Variants in COLQ observed in about 807,000 individuals in gnomAD.
The protein encoded by COLQ is collagen like tail subunit of asymmetric acetylcholinesterase.
A neutral mutation model predicts 69.0 loss-of-function variants in COLQ; 48 were observed. That is an observed-to-expected ratio of 0.70 (90% CI 0.55 to 0.88). The LOEUF is 0.88. Ranked by LOEUF, COLQ falls within the 40% of genes least tolerant of loss-of-function variation. The pLI is 0.00. For missense variants in COLQ, 618 were observed against 594.6 expected (o/e 1.04, Z -0.41); for synonymous variants, 217 against 211.2 (o/e 1.03, Z -0.24).
intron 1 of COLQ, among the ~76,000 whole-genome samples, chr3:15,503,501 C>T (rs762179556): frequency 1.3e-5 from 2 of 152,146 alleles, no homozygotes; most frequent in Non-Finnish European, 2.9e-5. Flanking sequence ...GGGACATGGA[C>T]TGTTAGGTGA....
At chr3:15,478,667 C>A in intron 5 of COLQ, 2 of 511,296 alleles carry the variant, frequency 3.9e-6, no homozygotes, top group Non-Finnish European at 7.1e-6. Context: ...TGAAGGGTTT[C>A]TCTGATGGGT....
chr3:15,451,375 C>G lies in COLQ; in HGVS notation c.*269G>C. On this transcript the variant is annotated 3_prime_UTR_variant, in exon 17 of 17. Coordinates refer to ENST00000383788, the MANE Select transcript of COLQ (RefSeq NM_005677.4). ...TCCAGAAGAGGAAGAGCATTGTAGC[C>G]GGTTGTTTGGCCAAATGGTAGCGAT... is the stretch of plus-strand genomic sequence containing the variant. 1 of 616,766 alleles carries G rather than the reference C, an allele frequency of 1.6e-6. No individual in the cohort carries two copies. Among genetic ancestry groups the G allele is most frequent in the Admixed American group, 2.4e-5 (1 of 41,222 alleles). The allele number at this position is 616,766 out of a possible 1,614,324, so 38.2% of individuals were successfully genotyped here.
At chr3:15,491,984 G>T (rs2062674672) in intron 1 of COLQ, among the ~76,000 whole-genome samples, 1 of 151,996 alleles carries the variant, frequency 6.6e-6, no homozygotes, top group Non-Finnish European at 1.5e-5. Flanking sequence ...CTTGAACCTG[G>T]GAGATGGAGG....
intron 13 of COLQ, among the ~76,000 whole-genome samples, chr3:15,457,717 A>G (rs2125088291): frequency 6.6e-6 from 1 of 151,890 alleles, no homozygotes; most frequent in Admixed American, 6.6e-5. Flanking sequence ...GGTTCAAGCG[A>G]TTCTCCCACC....
chr3:15,503,633 C>A (rs1229981360), intron 1 of COLQ, among the ~76,000 whole-genome samples: 3 of 152,190 alleles, frequency 2.0e-5, no homozygotes, highest in African/African-American at 7.2e-5. Context: ...GTTCCCCATT[C>A]AATCCTTTGA....
At chr3:15,502,837 G>A (rs2062850635) in intron 1 of COLQ, among the ~76,000 whole-genome samples, 1 of 152,208 alleles carries the variant, frequency 6.6e-6, no homozygotes, top group South Asian at 2.1e-4. Flanking sequence ...TGCCTGCGCT[G>A]CATACTTGCA....
chr3:15,478,775 A>G, intron 5 of COLQ: 1 of 668,136 alleles, frequency 1.5e-6, no homozygotes, highest in South Asian at 1.8e-5. Context: ...GCCTGGCAGT[A>G]GCAGGCTCCT....
chr3:15,488,478 T>C (rs1157225663), intron 2 of COLQ, among the ~76,000 whole-genome samples, 171 bp from the exon 3 acceptor site: 1 of 152,150 alleles, frequency 6.6e-6, no homozygotes, highest in East Asian at 1.9e-4. Flanking sequence ...TTCTGTTCTC[T>C]CATCTGCTCT....
chr3:15,467,093 T>C (rs962398339), intron 11 of COLQ, among the ~76,000 whole-genome samples: 11 of 152,340 alleles, frequency 7.2e-5, no homozygotes, highest in Middle Eastern at 3.4e-3. Flanking sequence ...TCATAGCATA[T>C]GGATTATTTG....
intron 15 of COLQ, among the ~76,000 whole-genome samples, chr3:15,454,649 C>A (rs898469393): frequency 4.4e-5 from 5 of 113,186 alleles, no homozygotes; most frequent in African/African-American, 2.1e-4. Context: ...TTCCCCTGAA[C>A]TGTTTTTTTT....
chr3:15,474,284 C>A lies in COLQ; in HGVS notation c.556-12G>T, dbSNP rs200902113. 8.7e-6 allele frequency: 14 copies of A among 1,613,748 alleles called. No individual in the cohort carries two copies. Among genetic ancestry groups the A allele is most frequent in the Non-Finnish European group, 1.7e-6 (2 of 1,179,678 alleles). ...TCACCTCTGGATCCCTAGGAAGAAA[C>A]CATAGGAGAAAGTCAATGAGTTAAT... On this transcript the variant is annotated splice_polypyrimidine_tract_variant and intron_variant, in intron 8 of 16. Coordinates refer to ENST00000383788, the MANE Select transcript of COLQ (RefSeq NM_005677.4).
At position 15,475,313 on chromosome 3, in the gene COLQ, C is replaced by T. The variant is rs924811; in HGVS notation, c.528+112G>A. 408,588 of 1,078,970 alleles carry T rather than the reference C, an allele frequency of 0.38. 78,292 individuals carry two copies. The highest frequency in any genetic ancestry group is 0.49 in the East Asian group (18,939 of 38,664). The allele number at this position is 1,078,970 out of a possible 1,614,324, so 66.8% of individuals were successfully genotyped here. A position where few individuals can be genotyped will look rare whatever the true frequency, so the allele number is the denominator to read the frequency against. On this transcript the variant is annotated intron_variant, in intron 7 of 16. Transcript: ENST00000383788. ...GTAAAGGCAGGCTCTCCAATATCCG[C>T]GACATTCCCTAGTCCGGGACTGCAG...
chr3:15,451,490 A>T lies in COLQ; in HGVS notation c.*154T>A. 1.3e-6 allele frequency: 1 copy of T among 785,410 alleles called. No homozygotes were observed. Among genetic ancestry groups the T allele is most frequent in the South Asian group, 1.4e-5 (1 of 69,810 alleles). The allele number at this position is 785,410 out of a possible 1,614,324, so 48.7% of individuals were successfully genotyped here. On this transcript the variant is annotated 3_prime_UTR_variant, in exon 17 of 17. Transcript: ENST00000383788. ...AGTGGTCCTAAATTCTTCCAGTCAG[A>T]CTGAGTTAACAGCATGTCTTAGTAG...
At chr3:15,485,913 G>A (rs955049193) in intron 3 of COLQ, among the ~76,000 whole-genome samples, 7 of 152,118 alleles carry the variant, frequency 4.6e-5, no homozygotes, top group African/African-American at 1.7e-4. Context: ...AGTTAGCTGC[G>A]ATCAAGCCAC....
At chr3:15,487,409 T>C (rs905376288) in intron 3 of COLQ, among the ~76,000 whole-genome samples, 2 of 152,162 alleles carry the variant, frequency 1.3e-5, no homozygotes, top group African/African-American at 4.8e-5. Flanking sequence ...TATGAGGTGA[T>C]GTAGGAGATA....
At chr3:15,519,987 G>A (rs946536407) in intron 1 of COLQ, among the ~76,000 whole-genome samples, 3 of 152,230 alleles carry the variant, frequency 2.0e-5, no homozygotes, top group African/African-American at 7.2e-5. Context: ...GCCACATGGT[G>A]CTTATAGTGT....
intron 3 of COLQ, among the ~76,000 whole-genome samples, chr3:15,485,643 G>A (rs2062561126): frequency 1.3e-5 from 2 of 152,130 alleles, no homozygotes; most frequent in South Asian, 2.1e-4. Context: ...CAAAGCCCAG[G>A]CCCCAACCCA....
chr3:15,459,888 T>C (rs1427078972), intron 12 of COLQ, among the ~76,000 whole-genome samples: 1 of 152,074 alleles, frequency 6.6e-6, no homozygotes, highest in Non-Finnish European at 1.5e-5. Flanking sequence ...GCATCCATAT[T>C]TTTAAAAGCT....
At chr3:15,452,085 G>A (rs996631795) in intron 16 of COLQ, among the ~76,000 whole-genome samples, 1 of 96,350 alleles carries the variant, frequency 1.0e-5, no homozygotes, top group Non-Finnish European at 2.3e-5. Context: ...TTTTTTTTTT[G>A]AGACAGAGTT....
Sources: allele counts gnomAD v4.1 joint callset (sites outside exome capture counted in the v4.1 genomes callset), GRCh38; gene constraint gnomAD v4.1.1; transcripts MANE v1.5; gene names NCBI Gene and HGNC (gene_info 2026-07-23, HGNC 2026-07-21).